Variants in CEP44 observed in about 807,000 individuals in gnomAD.
CEP44 encodes centrosomal protein 44.
Under a neutral mutation model 46.7 loss-of-function variants are expected in CEP44, and 45 were observed. The ratio of observed to expected loss-of-function variants is 0.96; its 90% CI spans 0.76 to 1.24. The LOEUF is 1.24. Among genes scored for constraint, CEP44 ranks in the 50% most tolerant of loss-of-function variants. The pLI, the probability that CEP44 is intolerant of heterozygous loss-of-function variation, is 0.00. For missense variants in CEP44, 475 were observed against 459.7 expected (o/e 1.03, Z -0.30); for synonymous variants, 142 against 146.0 (o/e 0.97, Z 0.20).
Position 174,311,482 on chromosome 4 carries a change from TAGAAG to T in CEP44, c.961+628_961+632del. The stretch of plus-strand genomic sequence containing the variant: ...CATATCTATGATTAAATCATAGCTA[TAGAAG>T]AGATGTTTTGTCCAATTGAGAATTC... On this transcript the variant is annotated intron_variant, in intron 9 of 11. Coordinates refer to ENST00000503780, the MANE Select transcript of CEP44 (RefSeq NM_001040157.3). This position sits in a 1 kb window ranked among gnomAD's most constrained non-coding sequence, Gnocchi z 4.4. Among the ~76,000 whole-genome samples the T allele has an allele frequency of 6.6e-6, 1 of 152,250 alleles. No individual in the cohort carries two copies. The highest frequency in any genetic ancestry group is 2.1e-4 in the South Asian group (1 of 4,830).
downstream of CEP44, among the ~76,000 whole-genome samples, chr4:174,322,701 T>A (rs1579172588): frequency 6.8e-6 from 1 of 146,910 alleles, no homozygotes; most frequent in South Asian, 2.1e-4. Context: ...TGACAAACAA[T>A]TAAGATGTCC....
At position 174,308,748 on chromosome 4, in the gene CEP44, T is replaced by TA. The variant is rs1740736625; in HGVS notation, c.568dup (p.Thr190AsnfsTer9). On this transcript the variant is annotated frameshift_variant, in exon 7 of 12. Transcript: ENST00000503780. LOFTEE classifies it high-confidence loss of function. ...AAGATAATGTTGACATTTCTGAGGATACATTAAGTCCAATAACAGATGTTA... is the reference window on the plus strand; with the variant it reads ...AAGATAATGTTGACATTTCTGAGGATAACATTAAGTCCAATAACAGATGTTA... 31 of 1,613,250 alleles carry TA rather than the reference T, an allele frequency of 1.9e-5. No individual in the cohort carries two copies. The highest frequency in any genetic ancestry group is 2.5e-5 in the Non-Finnish European group (29 of 1,179,356).
rs1731178621 is a variant in CEP44, at chr4:174,329,167, T to C, written c.1087-2315T>C. Among the ~76,000 whole-genome samples, 1 of 152,108 alleles carries C rather than the reference T, an allele frequency of 6.6e-6. No homozygotes were observed. The highest frequency in any genetic ancestry group is 6.6e-5 in the Admixed American group (1 of 15,252). On this transcript the variant is annotated intron_variant, in intron 8 of 8. Coordinates refer to the CEP44 transcript ENST00000426172. The surrounding 1 kb of genome is among the most constrained non-coding windows in gnomAD (Gnocchi z 4.0). Reference sequence around the variant, plus strand: ...GATCTCACTATGCTGCCCAGGCTAGTCTCAGACTCCTGGCCTCAAGCAATC... The same window carrying C: ...GATCTCACTATGCTGCCCAGGCTAGCCTCAGACTCCTGGCCTCAAGCAATC...
At chr4:174,323,922 A>G (rs77743217), downstream of CEP44, among the ~76,000 whole-genome samples, 2,122 of 152,268 alleles carry the variant, frequency 0.014, 30 homozygotes, top group Non-Finnish European at 0.022. Flanking sequence ...CAGAGATGTT[A>G]TCTATAAGGA....
rs1741901192 is a variant in CEP44, at chr4:174,317,780, A to G, written c.*397A>G. 1.0e-6 allele frequency: 1 copy of G among 986,856 alleles called. No individual in the cohort carries two copies. The highest frequency in any genetic ancestry group is 1.2e-6 in the Non-Finnish European group (1 of 830,706). The allele number at this position is 986,856 out of a possible 1,614,324, so 61.1% of individuals were successfully genotyped here. ...ATGGGACTTGTGTATTATACCCAGG[A>G]GGCTCTCATATATACCATCTTGGCA... On this transcript the variant is annotated 3_prime_UTR_variant, in exon 12 of 12. Coordinates refer to ENST00000503780, the MANE Select transcript of CEP44 (RefSeq NM_001040157.3).
At chr4:174,284,285 T>C (rs931370253) in intron 1 of CEP44, 2 of 388,348 alleles carry the variant, frequency 5.2e-6, no homozygotes, top group African/African-American at 4.1e-5. Context: ...AGGGGAGCCT[T>C]GCTTATATAC....
At position 174,329,376 on chromosome 4, in the gene CEP44, AT is replaced by A. The variant is rs1429087925; in HGVS notation, c.1087-2104del. Among the ~76,000 whole-genome samples the A allele has an allele frequency of 6.6e-6, 1 of 152,106 alleles. No homozygotes were observed. Among genetic ancestry groups the A allele is most frequent in the Non-Finnish European group, 1.5e-5 (1 of 68,004 alleles). On this transcript the variant is annotated intron_variant, in intron 8 of 8. Coordinates refer to the CEP44 transcript ENST00000426172. This position sits in a 1 kb window ranked among gnomAD's most constrained non-coding sequence, Gnocchi z 4.0. The stretch of plus-strand genomic sequence containing the variant: ...CACACACACATTTTAATAGGAGTTA[AT>A]TATAAGAATTTTTAGAAAAGTTGTT...
downstream of CEP44, among the ~76,000 whole-genome samples, chr4:174,321,068 C>T (rs1487527785): frequency 2.0e-5 from 3 of 152,054 alleles, no homozygotes; most frequent in Non-Finnish European, 4.4e-5. Context: ...AATCTGTTAT[C>T]TTGCCTAATT....
At chr4:174,316,507 A>G (rs1421477463) in intron 10 of CEP44, 23 bp from the exon 11 acceptor site, 1 of 1,566,960 alleles carries the variant, frequency 6.4e-7, no homozygotes. Flanking sequence ...AATCATCTAA[A>G]TTTGTTGCTT....
intron 1 of CEP44, among the ~76,000 whole-genome samples, chr4:174,295,936 A>C (rs146568731): frequency 6.6e-6 from 1 of 152,114 alleles, no homozygotes; most frequent in African/African-American, 2.4e-5. Flanking sequence ...TGCTTTTTCT[A>C]CGTCCGTTGA....
intron 3 of CEP44, among the ~76,000 whole-genome samples, chr4:174,299,932 TA>T (rs1739516704): frequency 6.6e-6 from 1 of 152,206 alleles, no homozygotes; most frequent in Admixed American, 6.5e-5. Context: ...TATCATTGAT[TA>T]ATTGATGGAT....
intron 9 of CEP44, among the ~76,000 whole-genome samples, chr4:174,315,953 A>G (rs1741653670): frequency 6.6e-6 from 1 of 152,132 alleles, no homozygotes; most frequent in Admixed American, 6.5e-5. Flanking sequence ...CATGATAATA[A>G]TACTGCCTTT....
In CEP44 at chr4:174,329,349, C is replaced by T. The variant is rs1000037425; in HGVS notation, c.1087-2133C>T. 6.6e-6 allele frequency among the ~76,000 whole-genome samples: 1 copy of T among 152,046 alleles called. No individual in the cohort carries two copies. The highest frequency in any genetic ancestry group is 1.5e-5 in the Non-Finnish European group (1 of 67,996). ...ACACAGACACACACACAGACACACA[C>T]ACACACACACATTTTAATAGGAGTT... On this transcript the variant is annotated intron_variant, in intron 8 of 8. Transcript: ENST00000426172. This position sits in a 1 kb window ranked among gnomAD's most constrained non-coding sequence, Gnocchi z 4.0.
chr4:174,286,120 G>A lies in CEP44; in HGVS notation c.-148+2177G>A, dbSNP rs1414719216. Among the ~76,000 whole-genome samples, 1 of 152,186 alleles carries A rather than the reference G, an allele frequency of 6.6e-6. No individual in the cohort carries two copies. Among genetic ancestry groups the A allele is most frequent in the African/African-American group, 2.4e-5 (1 of 41,442 alleles). On this transcript the variant is annotated intron_variant, in intron 1 of 11. Coordinates refer to ENST00000503780, the MANE Select transcript of CEP44 (RefSeq NM_001040157.3). The surrounding 1 kb of genome is among the most constrained non-coding windows in gnomAD (Gnocchi z 5.2). ...CAAGTCTATAAAGTATATTCAATAA[G>A]CTGTTGCCTACCATGTTGATAAAGG...
chr4:174,316,055 A>G (rs1469390286), intron 9 of CEP44, 111 bp from the exon 10 acceptor site: 3 of 1,299,244 alleles, frequency 2.3e-6, no homozygotes, highest in East Asian at 5.0e-5. Flanking sequence ...CTATGCGGAT[A>G]GCCATTTTTA....
rs2126555792 is a variant in CEP44 at position 174,297,091 on chromosome 4, A to C, written c.-147-875A>C. On this transcript the variant is annotated intron_variant, in intron 1 of 11. Transcript: ENST00000503780. This position sits in a 1 kb window ranked among gnomAD's most constrained non-coding sequence, Gnocchi z 4.3. ...TATTTTTCCCTATCCATTTACTTTT[A>C]ATCTTATAAACAAAATGGATTTCTT... 6.6e-6 allele frequency among the ~76,000 whole-genome samples: 1 copy of C among 152,106 alleles called. No homozygotes were observed. Among genetic ancestry groups the C allele is most frequent in the African/African-American group, 2.4e-5 (1 of 41,496 alleles).
chr4:174,299,138 T>G lies in CEP44; in HGVS notation c.17T>G (p.Leu6Ter). The G allele has an allele frequency of 6.2e-7, 1 of 1,613,576 alleles. No homozygotes were observed. The highest frequency in any genetic ancestry group is 8.5e-7 in the Non-Finnish European group (1 of 1,179,664). Residue 6 changes from leucine to a stop codon, truncating the protein, a stop_gained, in exon 3 of 12, where the codon TTA becomes TGA. Coordinates refer to ENST00000503780, the MANE Select transcript of CEP44 (RefSeq NM_001040157.3). LOFTEE classifies it high-confidence loss of function. MATGD[L>*]KRSLRNLEQV... is the part of the protein sequence containing the mutation. ...TGTTAAGTAATGGCAACAGGTGACT[T>G]AAAAAGAAGCTTACGGAACCTAGAA...
intron 3 of CEP44, among the ~76,000 whole-genome samples, chr4:174,300,811 T>G (rs1739621730): frequency 6.6e-6 from 1 of 152,158 alleles, no homozygotes; most frequent in South Asian, 2.1e-4. Context: ...TTTTTCTTAC[T>G]GTTTCTAATA....
chr4:174,291,390 T>G (rs186320858), intron 1 of CEP44, among the ~76,000 whole-genome samples: 1 of 152,308 alleles, frequency 6.6e-6, no homozygotes, highest in African/African-American at 2.4e-5. Context: ...TCATTCATAT[T>G]CAGAATCTCT....
Sources: gnomAD v4.1 joint callset for allele counts (sites outside exome capture counted in the v4.1 genomes callset) on GRCh38, gnomAD v4.1.1 for gene constraint, Gnocchi (gnomAD v3.1) non-coding constraint, MANE v1.5 for transcripts, NCBI Gene and HGNC (gene_info 2026-07-23, HGNC 2026-07-21) for gene names.